BCAR3: variants seen among roughly 807,000 people sequenced by gnomAD.
BCAR3 encodes BCAR3 adaptor protein, NSP family member, also known as breast cancer anti-estrogen resistance protein 3.
BCAR3 carries 37 observed loss-of-function variants against 80.1 expected under a neutral mutation model. The observed-to-expected ratio is 0.46, with a 90% CI of 0.36 to 0.61. The LOEUF is 0.61. BCAR3 is among the 20% of genes least tolerant of loss of function. The probability of loss-of-function intolerance (pLI) is 0.00; values close to 1 mark genes in which losing one functional copy is unlikely to be tolerated. For missense variants in BCAR3, 978 were observed against 1,068.2 expected (o/e 0.92, Z 1.18); for synonymous variants, 389 against 418.9 (o/e 0.93, Z 0.87).
intron 2 of BCAR3, among the ~76,000 whole-genome samples, chr1:93,743,964 G>C (rs1376347965): frequency 1.3e-5 from 2 of 152,122 alleles, no homozygotes; most frequent in Non-Finnish European, 2.9e-5. Context: ...GTAGTGGGAG[G>C]GGACAGAAAG....
intron 3 of BCAR3, among the ~76,000 whole-genome samples, chr1:93,701,165 T>A (rs1287599040): frequency 6.6e-6 from 1 of 152,116 alleles, no homozygotes; most frequent in Non-Finnish European, 1.5e-5. Flanking sequence ...CCCAATGATG[T>A]CAAAGGAGCA....
intron 2 of BCAR3, among the ~76,000 whole-genome samples, chr1:93,658,123 T>C (rs1647477432): frequency 6.6e-6 from 1 of 152,042 alleles, no homozygotes; most frequent in South Asian, 2.1e-4. Flanking sequence ...GTATTTTTAG[T>C]ACAGATGGGG....
At chr1:93,653,861 C>T (rs1359820725) in intron 2 of BCAR3, among the ~76,000 whole-genome samples, 1 of 152,196 alleles carries the variant, frequency 6.6e-6, no homozygotes, top group Non-Finnish European at 1.5e-5. Context: ...GGACACAAGG[C>T]AACATGGTAC....
intron 2 of BCAR3, among the ~76,000 whole-genome samples, chr1:93,780,194 G>A (rs1166285415): frequency 3.9e-5 from 6 of 152,180 alleles, no homozygotes; most frequent in African/African-American, 1.2e-4. Context: ...ATCCTGTGGG[G>A]ACTCAGAAGC....
At chr1:93,653,688 A>C in intron 2 of BCAR3, among the ~76,000 whole-genome samples, 1 of 152,196 alleles carries the variant, frequency 6.6e-6, no homozygotes, top group East Asian at 1.9e-4. Flanking sequence ...GGTTGGCGAG[A>C]AGGTGCCAGT....
intron 2 of BCAR3, among the ~76,000 whole-genome samples, chr1:93,756,361 T>C (rs1186704142): frequency 2.6e-5 from 4 of 152,166 alleles, no homozygotes; most frequent in African/African-American, 9.7e-5. Context: ...CACTCCCTGG[T>C]CTAATAATCA....
chr1:93,568,249 T>C (rs1163564103), intron 9 of BCAR3: 3 of 159,636 alleles, frequency 1.9e-5, no homozygotes, highest in Non-Finnish European at 4.1e-5. Flanking sequence ...AGGTGATAGA[T>C]ACACATGGTA....
chr1:93,653,571 T>C (rs1272196639), intron 2 of BCAR3, among the ~76,000 whole-genome samples: 1 of 152,238 alleles, frequency 6.6e-6, no homozygotes, highest in Non-Finnish European at 1.5e-5. Flanking sequence ...TAATATGCCA[T>C]GCACTAGGCT....
intron 2 of BCAR3, among the ~76,000 whole-genome samples, chr1:93,810,070 G>A (rs1287493707): frequency 6.6e-6 from 1 of 151,684 alleles, no homozygotes; most frequent in South Asian, 2.1e-4. Flanking sequence ...GCATGTGCCT[G>A]TAATCCCAGC....
intron 7 of BCAR3, 23 bp downstream of exon 7, chr1:93,582,278 G>A: frequency 6.3e-7 from 1 of 1,599,698 alleles, no homozygotes; most frequent in Non-Finnish European, 8.5e-7. Context: ...AGCCAGAGGA[G>A]CACCAGGACC....
Position 93,654,326 on chromosome 1 carries a change from C to T in BCAR3, c.318-11983G>A, listed in dbSNP as rs997388032. Reference sequence around the variant, plus strand: ...GATGTGAGGGACCCTGCCGCTGGTGCAGTGTTATGAGAAGGCCTATGGCAC... The same window carrying T: ...GATGTGAGGGACCCTGCCGCTGGTGTAGTGTTATGAGAAGGCCTATGGCAC... On this transcript the variant is annotated intron_variant, in intron 2 of 11. Transcript: ENST00000260502. Among the ~76,000 whole-genome samples the T allele has an allele frequency of 5.9e-5, 9 of 152,222 alleles. No homozygotes were observed. In the South Asian group the frequency reaches 1.9e-3, roughly 32 times the overall value.
intron 11 of BCAR3, among the ~76,000 whole-genome samples, chr1:93,567,006 G>T (rs991818587): frequency 1.9e-4 from 29 of 152,296 alleles, no homozygotes; most frequent in African/African-American, 6.3e-4. Flanking sequence ...GGGATTACAG[G>T]CTTGAACCAC....
chr1:93,612,501 T>G (rs779387988), intron 3 of BCAR3, among the ~76,000 whole-genome samples: 8 of 152,270 alleles, frequency 5.3e-5, no homozygotes, highest in Admixed American at 2.0e-4. Context: ...ACCCAGATAT[T>G]TATAGGCTGA....
chr1:93,585,228 G>A (rs918848434), intron 5 of BCAR3: 11 of 985,238 alleles, frequency 1.1e-5, no homozygotes, highest in Admixed American at 1.2e-4. Context: ...TAGCAGGCCC[G>A]ACGTCAGGGC....
chr1:93,648,105 A>G (rs977191045), intron 2 of BCAR3, among the ~76,000 whole-genome samples: 1 of 152,178 alleles, frequency 6.6e-6, no homozygotes, highest in Non-Finnish European at 1.5e-5. Context: ...AAATTCTGAA[A>G]TATCTGGGTG....
chr1:93,839,358 C>G (rs1209688323), intron 2 of BCAR3, among the ~76,000 whole-genome samples: 1 of 152,200 alleles, frequency 6.6e-6, no homozygotes, highest in South Asian at 2.1e-4. Flanking sequence ...ATTCAGAAAG[C>G]TGAATGACAA....
intron 4 of BCAR3, among the ~76,000 whole-genome samples, chr1:93,589,910 T>C (rs1674101739): frequency 6.6e-6 from 1 of 152,088 alleles, no homozygotes; most frequent in African/African-American, 2.4e-5. Flanking sequence ...AAATAAGAAA[T>C]GAGAAAATGT....
rs182336882 is a variant in BCAR3 at position 93,812,283 on chromosome 1, C to T, written c.-63+33284G>A. ...ACCATCCCCTTTCCCCAGGCCCTTC[C>T]GTCCCAGGAAGCCCACCGCTGGGAC... On this transcript the variant is annotated intron_variant, in intron 2 of 13. Transcript: ENST00000370244. 1.2e-4 allele frequency among the ~76,000 whole-genome samples: 19 copies of T among 152,204 alleles called. No individual in the cohort carries two copies. In the East Asian group the frequency reaches 1.4e-3, roughly 11 times the overall value.
intron 2 of BCAR3, among the ~76,000 whole-genome samples, chr1:93,789,285 A>G (rs890178762): frequency 6.6e-6 from 1 of 152,176 alleles, no homozygotes; most frequent in Non-Finnish European, 1.5e-5. Context: ...CTATTAAAAT[A>G]CTGTCTTTTG....
Sources: allele counts gnomAD v4.1 joint callset (sites outside exome capture counted in the v4.1 genomes callset), GRCh38; gene constraint gnomAD v4.1.1; transcripts MANE v1.5; gene names NCBI Gene and HGNC (gene_info 2026-07-23, HGNC 2026-07-21).